Variants in ATP8A2 observed in about 807,000 individuals in gnomAD.
ATP8A2 encodes ATPase phospholipid transporting 8A2.
A neutral mutation model predicts 165.6 loss-of-function variants in ATP8A2; 100 were observed. That is an observed-to-expected ratio of 0.60 (90% CI 0.51 to 0.71). The LOEUF (loss-of-function observed/expected upper bound fraction) is 0.71. ATP8A2 is among the 30% of genes least tolerant of loss of function. ATP8A2 has a pLI of 0.00. For synonymous variants in ATP8A2, 543 were observed against 548.8 expected, an observed-to-expected ratio of 0.99 and a Z score of 0.15; for missense variants, 1,227 against 1,479.5, an observed-to-expected ratio of 0.83 and a Z score of 2.80.
At chr13:25,964,539 T>C (rs1355060999) in intron 34 of ATP8A2, among the ~76,000 whole-genome samples, 1 of 152,244 alleles carries the variant, frequency 6.6e-6, no homozygotes, top group Non-Finnish European at 1.5e-5. Flanking sequence ...CTTTCTGAAC[T>C]GCAGCTTTAG....
intron 2 of ATP8A2, among the ~76,000 whole-genome samples, chr13:25,469,414 C>T (rs1288293256): frequency 6.6e-6 from 1 of 152,248 alleles, no homozygotes; most frequent in Non-Finnish European, 1.5e-5. Flanking sequence ...GAGGTCTCTG[C>T]TCTTTTCATC....
At chr13:26,009,628 G>A (rs1956804044) in intron 35 of ATP8A2, among the ~76,000 whole-genome samples, 1 of 152,174 alleles carries the variant, frequency 6.6e-6, no homozygotes, top group South Asian at 2.1e-4. Flanking sequence ...GACTTCTAGG[G>A]TCCCAAATAA....
chr13:25,671,336 A>G (rs1320279565), intron 24 of ATP8A2, among the ~76,000 whole-genome samples: 4 of 152,226 alleles, frequency 2.6e-5, no homozygotes, highest in Admixed American at 6.5e-5. Flanking sequence ...TTTGAGCAGT[A>G]TGAAATCTGG....
At chr13:25,502,895 T>G (rs555408972) in intron 2 of ATP8A2, among the ~76,000 whole-genome samples, 14 of 152,276 alleles carry the variant, frequency 9.2e-5, no homozygotes, top group South Asian at 2.1e-4. Flanking sequence ...ATGGATGTTG[T>G]TTTGCTATGC....
chr13:25,954,887 G>A (rs1374576969), intron 33 of ATP8A2, among the ~76,000 whole-genome samples: 1 of 152,184 alleles, frequency 6.6e-6, no homozygotes, highest in African/African-American at 2.4e-5. Flanking sequence ...CCACAAAGAT[G>A]AGGAAAAAAC....
chr13:25,460,448 T>C (rs901285664), intron 1 of ATP8A2, among the ~76,000 whole-genome samples: 1 of 152,228 alleles, frequency 6.6e-6, no homozygotes, highest in Non-Finnish European at 1.5e-5. Context: ...ACTTGTATTT[T>C]TAAAACTCAA....
chr13:25,783,029 C>T (rs1445290073), intron 27 of ATP8A2, among the ~76,000 whole-genome samples: 1 of 151,184 alleles, frequency 6.6e-6, no homozygotes, highest in African/African-American at 2.4e-5. Context: ...GCGTTAGCCA[C>T]CTCTTCTGGC....
intron 6 of ATP8A2, among the ~76,000 whole-genome samples, chr13:25,537,512 C>A (rs1304715442): frequency 1.3e-5 from 2 of 152,110 alleles, no homozygotes; most frequent in African/African-American, 4.8e-5. Flanking sequence ...GTGCCTTTAT[C>A]CTCATTATAT....
intron 30 of ATP8A2, among the ~76,000 whole-genome samples, chr13:25,841,003 A>T (rs1951737610): frequency 6.6e-6 from 1 of 152,128 alleles, no homozygotes; most frequent in South Asian, 2.1e-4. Context: ...TTGCCTTTTG[A>T]CTCTCAGAAG....
intron 33 of ATP8A2, among the ~76,000 whole-genome samples, chr13:25,898,035 C>T (rs952497911): frequency 2.0e-5 from 3 of 152,214 alleles, no homozygotes; most frequent in African/African-American, 4.8e-5. Context: ...TCTCTCAACT[C>T]GTCAAAGTCA....
At chr13:25,675,582 T>A (rs2042355240) in intron 24 of ATP8A2, among the ~76,000 whole-genome samples, 1 of 152,250 alleles carries the variant, frequency 6.6e-6, no homozygotes, top group Non-Finnish European at 1.5e-5. Flanking sequence ...CTTGTGAATA[T>A]CTTTTGTTCT....
At chr13:25,589,828 G>C (rs941339556) in intron 24 of ATP8A2, 129 bp downstream of exon 24, 11 of 570,074 alleles carry the variant, frequency 1.9e-5, no homozygotes, top group Admixed American at 3.3e-5. Context: ...TTTATTTTCT[G>C]TTTATATTTA....
At chr13:25,615,333 C>T (rs991433105) in intron 24 of ATP8A2, among the ~76,000 whole-genome samples, 3 of 152,162 alleles carry the variant, frequency 2.0e-5, no homozygotes, top group Non-Finnish European at 2.9e-5. Context: ...CTGGCAGTTA[C>T]AGGCTTCACC....
At chr13:25,756,985 G>A (rs535600985) in intron 25 of ATP8A2, among the ~76,000 whole-genome samples, 13 of 152,236 alleles carry the variant, frequency 8.5e-5, no homozygotes, top group South Asian at 8.3e-4. Flanking sequence ...AATCCTGCTC[G>A]CTCAGCGCAT....
chr13:25,933,153 C>T (rs1234414778), intron 33 of ATP8A2, among the ~76,000 whole-genome samples: 1 of 152,212 alleles, frequency 6.6e-6, no homozygotes, highest in Non-Finnish European at 1.5e-5. Context: ...CTGCACCTGC[C>T]CTGTGTGTGG....
At chr13:25,998,061 C>T (rs1037606005) in intron 35 of ATP8A2, among the ~76,000 whole-genome samples, 11 of 152,250 alleles carry the variant, frequency 7.2e-5, no homozygotes, top group Middle Eastern at 3.4e-3. Flanking sequence ...TGGCTCCTGC[C>T]GGGTAGAGGT....
Position 25,480,069 on chromosome 13 carries a change from T to C in ATP8A2, c.221+10948T>C, listed in dbSNP as rs562306594. On this transcript the variant is annotated intron_variant, in intron 2 of 36. Coordinates refer to ENST00000381655, the MANE Select transcript of ATP8A2 (RefSeq NM_016529.6). ...CTCCTCACTTCCCAGTAGGGGCGGC[T>C]GGGCAGAGGCGCCCCTCACCTCCCG... 8.5e-3 allele frequency among the ~76,000 whole-genome samples: 1,277 copies of C among 149,420 alleles called. 31 individuals carry two copies. The highest frequency in any genetic ancestry group is 0.03 in the African/African-American group (1,190 of 39,752).
In ATP8A2 at chr13:25,726,092, G is replaced by A. The variant is rs763527631; in HGVS notation, c.2384+26747G>A. ...GAAATATTTTGGACCCGTTTGTTTC[G>A]AATGCATCAGTGGTGTTTATTATTT... On this transcript the variant is annotated intron_variant, in intron 25 of 36. Transcript: ENST00000381655. Among the ~76,000 whole-genome samples, 73 of 152,136 alleles carry A rather than the reference G, an allele frequency of 4.8e-4. 2 individuals are homozygous for A. Among genetic ancestry groups the A allele is most frequent in the East Asian group, 1.9e-4 (1 of 5,182 alleles).
intron 24 of ATP8A2, among the ~76,000 whole-genome samples, chr13:25,642,846 A>G (rs1054407163): frequency 1.3e-5 from 2 of 152,352 alleles, no homozygotes; most frequent in African/African-American, 4.8e-5. Flanking sequence ...GGATTAAGAA[A>G]ATGTGGCACA....
Sources: allele counts gnomAD v4.1 joint callset (sites outside exome capture counted in the v4.1 genomes callset), GRCh38; gene constraint gnomAD v4.1.1; transcripts MANE v1.5; gene names NCBI Gene and HGNC (gene_info 2026-07-23, HGNC 2026-07-21).